Variants in RTF2 observed in about 807,000 individuals in gnomAD.
RTF2 encodes the protein UPF0549 protein C20orf43.
Under a neutral mutation model 38.0 loss-of-function variants are expected in RTF2, and 18 were observed. The observed-to-expected ratio is 0.47, with a 90% CI of 0.33 to 0.70. RTF2 has a LOEUF of 0.70. RTF2 is among the 30% of genes least tolerant of loss of function. The pLI is 0.02. For synonymous variants in RTF2, 126 were observed against 137.1 expected (o/e 0.92, Z 0.57); for missense variants, 311 against 379.6 (o/e 0.82, Z 1.50).
At chr20:56,495,127 T>C (rs1280077176) in intron 5 of RTF2, 1 of 1,007,274 alleles carries the variant, frequency 9.9e-7, no homozygotes, top group Admixed American at 2.0e-5. Context: ...TCTTGCCCAC[T>C]AGGATTGAGG....
At chr20:56,497,345 G>C in intron 5 of RTF2, 1 of 1,550,450 alleles carries the variant, frequency 6.4e-7, no homozygotes, top group South Asian at 1.2e-5. Flanking sequence ...AAATCCTGGA[G>C]CAGTTTCCTG....
chr20:56,517,341 C>T (rs1015392064), intron 8 of RTF2, 140 bp downstream of exon 8: 2 of 669,026 alleles, frequency 3.0e-6, no homozygotes, highest in South Asian at 3.5e-5. Context: ...ACTGAACTCT[C>T]TTTAGGGGGG....
chr20:56,513,178 G>A (rs1422046546), intron 5 of RTF2, 137 bp from the exon 6 acceptor site: 33 of 1,236,220 alleles, frequency 2.7e-5, no homozygotes, highest in African/African-American at 7.6e-5. Flanking sequence ...CCAAACCAAG[G>A]CTTTGACCAG....
At chr20:56,475,633 G>A (rs1023059465) in intron 3 of RTF2, among the ~76,000 whole-genome samples, 2 of 152,112 alleles carry the variant, frequency 1.3e-5, no homozygotes, top group African/African-American at 4.8e-5. Context: ...CATCAAAAAT[G>A]TGATAAACGA....
At chr20:56,483,908 G>C (rs1010680514) in intron 4 of RTF2, among the ~76,000 whole-genome samples, 1 of 151,900 alleles carries the variant, frequency 6.6e-6, no homozygotes, top group Non-Finnish European at 1.5e-5. Flanking sequence ...TGTGGTTTCA[G>C]TTTTGATCTT....
At position 56,516,915 on chromosome 20, in the gene RTF2, C is replaced by A; in HGVS notation, c.592-20C>A. On this transcript the variant is annotated intron_variant, in intron 6 of 8. Transcript: ENST00000357348. ...GAGTGAATCTGAGCACAGCCTCCAA[C>A]ATTCTCTATCTTTTTGTAGAAAACA... 6.2e-6 allele frequency: 10 copies of A among 1,612,572 alleles called. No individual in the cohort carries two copies. Among genetic ancestry groups the A allele is most frequent in the Non-Finnish European group, 7.6e-6 (9 of 1,178,640 alleles).
chr20:56,504,429 G>C (rs1041412464), intron 5 of RTF2: 4 of 152,162 alleles, frequency 2.6e-5, no homozygotes, highest in African/African-American at 9.7e-5. Flanking sequence ...AATACAGGAG[G>C]CATGATTTAG....
At chr20:56,470,380 A>G (rs954442319) in intron 1 of RTF2, among the ~76,000 whole-genome samples, 9 of 152,226 alleles carry the variant, frequency 5.9e-5, no homozygotes, top group African/African-American at 2.2e-4. Flanking sequence ...GGCAGGATGG[A>G]TTTTTATTAT....
At chr20:56,473,710 C>T (rs1307396889) in intron 2 of RTF2, among the ~76,000 whole-genome samples, 1 of 152,014 alleles carries the variant, frequency 6.6e-6, no homozygotes, top group Non-Finnish European at 1.5e-5. Flanking sequence ...GTGGTGAAAC[C>T]CCACCTCTAC....
intron 5 of RTF2, among the ~76,000 whole-genome samples, chr20:56,485,966 T>C (rs1982774178): frequency 6.6e-6 from 1 of 152,190 alleles, no homozygotes; most frequent in African/African-American, 2.4e-5. Context: ...GAAATGGCTT[T>C]ATAAAGGGAG....
intron 4 of RTF2, among the ~76,000 whole-genome samples, chr20:56,479,434 G>A (rs775778711): frequency 3.3e-5 from 5 of 151,898 alleles, no homozygotes; most frequent in Non-Finnish European, 4.4e-5. Context: ...CATATTGGCC[G>A]GGCTGGTCTC....
chr20:56,473,874 A>T (rs1248135705), intron 2 of RTF2, among the ~76,000 whole-genome samples: 3 of 152,282 alleles, frequency 2.0e-5, no homozygotes, highest in East Asian at 1.9e-4. Context: ...TGCAAAAAAA[A>T]TAGCAAACTC....
chr20:56,491,645 A>AGTCT, intron 5 of RTF2: 1 of 1,551,958 alleles, frequency 6.4e-7, no homozygotes, highest in Non-Finnish European at 8.7e-7. Flanking sequence ...CAGCACTTGA[A>AGTCT]GTCTGTGCCG....
intron 5 of RTF2, among the ~76,000 whole-genome samples, chr20:56,495,730 A>G (rs1188634930): frequency 6.6e-6 from 1 of 152,158 alleles, no homozygotes; most frequent in Non-Finnish European, 1.5e-5. Flanking sequence ...ACCCCAACCA[A>G]TGTCTACTGG....
At chr20:56,515,070 G>C (rs1485024786) in intron 6 of RTF2, among the ~76,000 whole-genome samples, 1 of 150,674 alleles carries the variant, frequency 6.6e-6, no homozygotes, top group African/African-American at 2.4e-5. Flanking sequence ...CCATTGAAAT[G>C]CTGTGTTCAG....
chr20:56,508,455 T>C (rs975306165), intron 5 of RTF2, among the ~76,000 whole-genome samples: 7 of 152,240 alleles, frequency 4.6e-5, no homozygotes, highest in African/African-American at 1.7e-4. Flanking sequence ...TTGCCTGCCT[T>C]TATGTTTTTC....
chr20:56,489,220 T>A (rs1982956640), intron 5 of RTF2, among the ~76,000 whole-genome samples: 1 of 62,338 alleles, frequency 1.6e-5, no homozygotes, highest in African/African-American at 6.3e-5. Flanking sequence ...CATGCCTGGT[T>A]ATTTTTTTTT....
At chr20:56,475,506 A>G (rs1982193818) in intron 3 of RTF2, among the ~76,000 whole-genome samples, 1 of 152,234 alleles carries the variant, frequency 6.6e-6, no homozygotes, top group South Asian at 2.1e-4. Flanking sequence ...AGGCAAATTC[A>G]TAATTCTGAA....
At chr20:56,490,253 C>T (rs1334228088) in intron 5 of RTF2, among the ~76,000 whole-genome samples, 1 of 152,160 alleles carries the variant, frequency 6.6e-6, no homozygotes, top group Non-Finnish European at 1.5e-5. Context: ...CTTTAATTTC[C>T]TCTCCTCTGG....
Sources: gnomAD v4.1 joint callset for allele counts (sites outside exome capture counted in the v4.1 genomes callset) on GRCh38, gnomAD v4.1.1 for gene constraint, MANE v1.5 for transcripts, NCBI Gene and HGNC (gene_info 2026-07-23, HGNC 2026-07-21) for gene names.